The following NTM variants were observed in gnomAD, a reference collection of about 807,000 sequenced individuals.
NTM encodes the protein IgLON family member 2.
In NTM, 13 loss-of-function variants were observed where a neutral mutation model predicts 42.1. That is an observed-to-expected ratio of 0.31 (90% CI 0.20 to 0.49). NTM has a LOEUF of 0.49. NTM is among the 20% of genes least tolerant of loss of function. The pLI is 0.99. For missense variants in NTM, 373 were observed against 452.8 expected (o/e 0.82, Z 1.60); for synonymous variants, 187 against 179.2 (o/e 1.04, Z -0.35).
intron 1 of NTM, among the ~76,000 whole-genome samples, chr11:131,401,824 A>ATATATATATGTGTG (rs1945225382): frequency 1.6e-5 from 1 of 64,120 alleles, no homozygotes; most frequent in Non-Finnish European, 3.3e-5. Flanking sequence ...ATATATATAT[A>ATATATATATGTGTG]TATATATATA....
intron 1 of NTM, among the ~76,000 whole-genome samples, chr11:131,446,142 G>A (rs571745690): frequency 2.0e-5 from 3 of 152,262 alleles, no homozygotes; most frequent in Admixed American, 6.5e-5. Flanking sequence ...TGGAGGAAGG[G>A]CTATCTTATA....
intron 3 of NTM, among the ~76,000 whole-genome samples, chr11:132,189,358 G>C (rs2078935293): frequency 6.6e-6 from 1 of 152,138 alleles, no homozygotes; most frequent in Admixed American, 6.5e-5. Context: ...GCTCAGGGGA[G>C]GAGTATTAAA....
intron 2 of NTM, among the ~76,000 whole-genome samples, chr11:131,953,345 G>A (rs557325794): frequency 2.0e-5 from 3 of 152,212 alleles, no homozygotes; most frequent in South Asian, 2.1e-4. Flanking sequence ...TACAAGGGGC[G>A]AGTGTAGTAT....
intron 1 of NTM, among the ~76,000 whole-genome samples, chr11:131,657,633 G>A (rs761612923): frequency 1.3e-5 from 2 of 152,152 alleles, no homozygotes; most frequent in African/African-American, 4.8e-5. Context: ...ACTTATCTGT[G>A]TGCCTTGCCA....
chr11:132,094,427 A>C (rs1043702691), intron 2 of NTM, among the ~76,000 whole-genome samples: 2 of 152,118 alleles, frequency 1.3e-5, no homozygotes, highest in Non-Finnish European at 2.9e-5. Flanking sequence ...GCTGTCCTCC[A>C]TGGGTGCAGC....
At chr11:131,798,946 G>A (rs149576830) in intron 1 of NTM, among the ~76,000 whole-genome samples, 519 of 152,218 alleles carry the variant, frequency 3.4e-3, no homozygotes, top group African/African-American at 0.011. Context: ...GTCCATGTCC[G>A]TATTAATTAA....
chr11:131,686,648 C>T (rs1456795790), intron 1 of NTM, among the ~76,000 whole-genome samples: 1 of 152,082 alleles, frequency 6.6e-6, no homozygotes, highest in Non-Finnish European at 1.5e-5. Context: ...TAAGTGGATC[C>T]GTGCAGTTCA....
At chr11:131,778,251 A>G (rs951038659) in intron 1 of NTM, among the ~76,000 whole-genome samples, 1 of 152,214 alleles carries the variant, frequency 6.6e-6, no homozygotes, top group Non-Finnish European at 1.5e-5. Context: ...GTTTTCCAAA[A>G]GGTTAAACTG....
intron 1 of NTM, among the ~76,000 whole-genome samples, chr11:131,712,311 C>A (rs1486786381): frequency 1.3e-5 from 2 of 151,862 alleles, no homozygotes; most frequent in African/African-American, 4.8e-5. Context: ...TCAAGAACAG[C>A]CTCCAAATAC....
intron 1 of NTM, among the ~76,000 whole-genome samples, chr11:131,373,881 G>C (rs1045142042): frequency 1.3e-5 from 2 of 152,236 alleles, no homozygotes; most frequent in African/African-American, 2.4e-5. Flanking sequence ...AGAGGAGAAG[G>C]AAAAGGTGCC....
At position 131,477,001 on chromosome 11, in the gene NTM, G is replaced by A. The variant is rs562090666; in HGVS notation, c.82+106113G>A. On this transcript the variant is annotated intron_variant, in intron 1 of 8. Transcript: ENST00000683400. Reference sequence around the variant, plus strand: ...ACTTGCTATGCATACCCCGCACCCCGTGTTTTAACAGAGTGATAATAGATT... The same window carrying A: ...ACTTGCTATGCATACCCCGCACCCCATGTTTTAACAGAGTGATAATAGATT... 1.3e-4 allele frequency among the ~76,000 whole-genome samples: 20 copies of A among 152,144 alleles called. No individual in the cohort carries two copies. The Middle Eastern group carries it at 0.01, about 78-fold the overall frequency.
At chr11:131,374,014 G>C (rs1400371017) in intron 1 of NTM, among the ~76,000 whole-genome samples, 2 of 152,232 alleles carry the variant, frequency 1.3e-5, no homozygotes, top group East Asian at 3.9e-4. Context: ...GCAGCAGCTT[G>C]AGCTGGGCAA....
intron 2 of NTM, among the ~76,000 whole-genome samples, chr11:132,028,675 G>A (rs77665826): frequency 2.0e-5 from 3 of 152,182 alleles, no homozygotes; most frequent in South Asian, 2.1e-4. Flanking sequence ...TTCTTCCCCC[G>A]CTCAGGTGAG....
intron 1 of NTM, among the ~76,000 whole-genome samples, chr11:131,521,397 T>A (rs1198646120): frequency 4.7e-5 from 2 of 42,956 alleles, no homozygotes; most frequent in Non-Finnish European, 9.3e-5. Flanking sequence ...TTTTTTTTTT[T>A]TTTTTTTTTT....
chr11:132,297,983 C>T (rs2094687544), intron 4 of NTM, among the ~76,000 whole-genome samples: 1 of 152,314 alleles, frequency 6.6e-6, no homozygotes, highest in East Asian at 1.9e-4. Flanking sequence ...ATGGCTAAAT[C>T]ATAGGCTGCC....
At chr11:131,379,303 G>A (rs901563309) in intron 1 of NTM, among the ~76,000 whole-genome samples, 2 of 152,214 alleles carry the variant, frequency 1.3e-5, no homozygotes. Flanking sequence ...GAAGTCCATT[G>A]CATCTGTCAG....
At chr11:132,027,442 T>A (rs576781781) in intron 2 of NTM, among the ~76,000 whole-genome samples, 12 of 152,378 alleles carry the variant, frequency 7.9e-5, no homozygotes, top group African/African-American at 2.9e-4. Context: ...GGCAACAAAT[T>A]CCCTCAACTT....
At chr11:131,514,997 G>A (rs573793503) in intron 1 of NTM, among the ~76,000 whole-genome samples, 19 of 152,068 alleles carry the variant, frequency 1.2e-4, no homozygotes, top group Non-Finnish European at 2.4e-4. Flanking sequence ...TAGCCTTGAC[G>A]TCTTGGGAAC....
chr11:132,094,103 T>C (rs999435084), intron 2 of NTM, among the ~76,000 whole-genome samples: 114 of 152,316 alleles, frequency 7.5e-4, no homozygotes, highest in African/African-American at 2.7e-3. Context: ...CCACCTTTGA[T>C]TGGCCAAAAA....
Sources: allele counts gnomAD v4.1 joint callset (sites outside exome capture counted in the v4.1 genomes callset), GRCh38; gene constraint gnomAD v4.1.1; transcripts MANE v1.5; gene names NCBI Gene and HGNC (gene_info 2026-07-23, HGNC 2026-07-21).